Variants in DNAH14 observed in about 807,000 individuals in gnomAD.
DNAH14 encodes axonemal beta dynein heavy chain 14.
A neutral mutation model predicts 520.9 loss-of-function variants in DNAH14; 478 were observed. The ratio of observed to expected loss-of-function variants is 0.92; its 90% CI spans 0.85 to 0.99. The LOEUF (loss-of-function observed/expected upper bound fraction) is 0.99. Ranked by LOEUF, DNAH14 falls within the 50% of genes least tolerant of loss-of-function variation. The pLI is 0.00. For synonymous variants in DNAH14, 1,581 were observed against 1,757.2 expected, an observed-to-expected ratio of 0.90 and a Z score of 2.51; for missense variants, 4,831 against 5,234.5, an observed-to-expected ratio of 0.92 and a Z score of 2.38.
chr1:225,346,654 A>G lies in DNAH14; in HGVS notation c.11296A>G (p.Ser3766Gly). 6.5e-7 allele frequency: 1 copy of G among 1,532,488 alleles called. No individual in the cohort carries two copies. Among genetic ancestry groups the G allele is most frequent in the Non-Finnish European group, 8.8e-7 (1 of 1,137,204 alleles). The allele number at this position is 1,532,488 out of a possible 1,614,324, so 94.9% of individuals were successfully genotyped here. A position where few individuals can be genotyped will look rare whatever the true frequency, so the allele number is the denominator to read the frequency against. ...TGCATTATCCCAGTCTAGACTTACT[A>G]GTAAGTAAAAGTTACTATTCCGGAT... ...KSALSQSRLT[S>G]TFEIGESQHL... is the part of the protein sequence containing the mutation. The change falls in exon 71 of 86, where the codon AGC becomes GGC. Residue 3766 changes from serine (S) to glycine (G), a missense_variant and splice_region_variant. By Grantham distance (56) the Ser-to-Gly change is moderately conservative (BLOSUM62 0). Transcript: ENST00000682510.
intron 1 of DNAH14, among the ~76,000 whole-genome samples, chr1:224,943,409 C>T (rs58823550): frequency 0.077 from 11,666 of 151,874 alleles, 1,437 homozygotes; most frequent in African/African-American, 0.26. Flanking sequence ...GTCTTGCTAG[C>T]GGTCTATCAA....
At chr1:225,356,849 A>G (rs1318752041) in intron 73 of DNAH14, among the ~76,000 whole-genome samples, 2 of 152,294 alleles carry the variant, frequency 1.3e-5, no homozygotes, top group Admixed American at 6.5e-5. Flanking sequence ...CCCATGCCAC[A>G]TTACCTTCCC....
intron 8 of DNAH14, among the ~76,000 whole-genome samples, chr1:224,995,337 T>G (rs556165618): frequency 1.3e-5 from 2 of 152,150 alleles, no homozygotes; most frequent in Non-Finnish European, 2.9e-5. Flanking sequence ...AGGGGTTGTT[T>G]TTTTTTCCCC....
At chr1:225,197,660 T>C (rs2086330613) in intron 38 of DNAH14, among the ~76,000 whole-genome samples, 1 of 152,214 alleles carries the variant, frequency 6.6e-6, no homozygotes, top group South Asian at 2.1e-4. Flanking sequence ...CAATATTGAT[T>C]CTACCCATCC....
chr1:225,163,579 A>T (rs940121622), intron 35 of DNAH14, among the ~76,000 whole-genome samples: 1 of 152,214 alleles, frequency 6.6e-6, no homozygotes, highest in African/African-American at 2.4e-5. Context: ...GATGAATTTT[A>T]TCAAGTGCAT....
rs1265040245 is a variant in DNAH14, at chr1:225,161,331, G to A, written c.5445+1846G>A. ...CATAATGACCGGTTCCATCTATGTT[G>A]TTGCAAATGACAGGATCTCATTGTT... On this transcript the variant is annotated intron_variant, in intron 35 of 85. Coordinates refer to ENST00000682510, the MANE Select transcript of DNAH14 (RefSeq NM_001367479.1). Among the ~76,000 whole-genome samples the A allele has an allele frequency of 3.9e-5, 6 of 152,262 alleles. No homozygotes were observed. In the East Asian group the frequency reaches 1.2e-3, roughly 29 times the overall value.
intron 5 of DNAH14, 54 bp from the exon 6 acceptor site, chr1:224,967,377 A>G: frequency 7.6e-7 from 1 of 1,309,410 alleles, no homozygotes; most frequent in South Asian, 1.7e-5. Flanking sequence ...GTATTAATTT[A>G]GTTAATTTAG....
rs528476887 is a variant in DNAH14 at position 225,258,043 on chromosome 1, G to A, written c.6949G>A (p.Ala2317Thr). ...ATGTGGAGAATGCATTAATTATACC[G>A]CTACCAGAGACACAACATGCCTTTC... ...TECGECINYT[A>T]TRDTTCLSFL... Residue 2317 changes from alanine (A) to threonine (T), a missense_variant, in exon 45 of 86, where the codon GCT becomes ACT. Coordinates refer to ENST00000682510, the MANE Select transcript of DNAH14 (RefSeq NM_001367479.1). 72 of 1,549,968 alleles carry A rather than the reference G, an allele frequency of 4.6e-5. No homozygotes were observed. Among genetic ancestry groups the A allele is most frequent in the African/African-American group, 6.9e-5 (5 of 72,834 alleles).
In DNAH14 at chr1:225,398,567, C is replaced by T. The variant is rs1401546420; in HGVS notation, c.13539C>T (p.Ile4513=). Residue 4513 remains isoleucine (I), a synonymous_variant, in exon 85 of 86, where the codon ATC becomes ATT. Transcript: ENST00000682510. ...HTGVYIFGLF[I]EGARWNREQK... Reference sequence around the variant, plus strand: ...GAGTTTACATTTTTGGTTTATTCATCGAGGGGGCAAGATGGAATCGTGAAC... The same window carrying T: ...GAGTTTACATTTTTGGTTTATTCATTGAGGGGGCAAGATGGAATCGTGAAC... 3.9e-6 allele frequency: 6 copies of T among 1,551,518 alleles called. No homozygotes were observed. The African/African-American group carries it at 6.8e-5, about 18-fold the overall frequency.
At chr1:225,173,299 A>G (rs2082919891) in intron 36 of DNAH14, among the ~76,000 whole-genome samples, 1 of 152,218 alleles carries the variant, frequency 6.6e-6, no homozygotes, top group South Asian at 2.1e-4. Flanking sequence ...CAGCAAAAGA[A>G]ACTACCATCA....
intron 52 of DNAH14, among the ~76,000 whole-genome samples, chr1:225,275,002 A>T (rs2093431527): frequency 6.6e-6 from 1 of 152,228 alleles, no homozygotes; most frequent in Admixed American, 6.5e-5. Context: ...ACCCTATGAT[A>T]TAGGTCCTGT....
intron 17 of DNAH14, among the ~76,000 whole-genome samples, chr1:225,075,230 G>T (rs569560560): frequency 1.3e-5 from 2 of 152,254 alleles, no homozygotes; most frequent in Admixed American, 6.5e-5. Flanking sequence ...TTCCCTGGGT[G>T]GGGGAGGTTC....
chr1:225,067,275 T>G (rs1284675547), intron 17 of DNAH14, among the ~76,000 whole-genome samples: 1 of 152,188 alleles, frequency 6.6e-6, no homozygotes, highest in Non-Finnish European at 1.5e-5. Flanking sequence ...GCTTCATCCA[T>G]GTCCCTGCAC....
chr1:225,210,174 C>T (rs2088178609), intron 41 of DNAH14, among the ~76,000 whole-genome samples: 1 of 151,996 alleles, frequency 6.6e-6, no homozygotes, highest in African/African-American at 2.4e-5. Flanking sequence ...ATTCACTGCC[C>T]TGGAAAGGAG....
intron 50 of DNAH14, 98 bp downstream of exon 50, chr1:225,270,964 T>G: frequency 2.4e-6 from 3 of 1,239,738 alleles, no homozygotes; most frequent in Non-Finnish European, 2.2e-6. Context: ...AGAAAATTAC[T>G]TTAAGGGGAT....
chr1:225,028,657 A>G lies in DNAH14; in HGVS notation c.1358+4792A>G, dbSNP rs939837536. Among the ~76,000 whole-genome samples, 4 of 152,216 alleles carry G rather than the reference A, an allele frequency of 2.6e-5. No homozygotes were observed. The East Asian group carries it at 5.8e-4, about 22-fold the overall frequency. On this transcript the variant is annotated intron_variant, in intron 11 of 85. Transcript: ENST00000682510. ...AAATGGGTGAAAGATCTAAGCAGAC[A>G]TTTCATCAAAGAAGAAACAGATTGC...
chr1:225,146,343 T>C (rs1285642947), intron 30 of DNAH14, among the ~76,000 whole-genome samples: 1 of 152,206 alleles, frequency 6.6e-6, no homozygotes, highest in Non-Finnish European at 1.5e-5. Context: ...TCATTCCGAT[T>C]CCCACTTCCT....
intron 55 of DNAH14, among the ~76,000 whole-genome samples, chr1:225,291,224 T>G (rs1232842642): frequency 6.6e-6 from 1 of 152,196 alleles, no homozygotes; most frequent in African/African-American, 2.4e-5. Flanking sequence ...TTGTATTTTA[T>G]GAAGTATATA....
intron 83 of DNAH14, among the ~76,000 whole-genome samples, chr1:225,391,975 C>T (rs2095920515): frequency 1.3e-5 from 2 of 152,212 alleles, no homozygotes; most frequent in East Asian, 1.9e-4. Flanking sequence ...GCATGATCAT[C>T]GGCCAAGATT....
Sources: gnomAD v4.1 joint callset for allele counts (sites outside exome capture counted in the v4.1 genomes callset) on GRCh38, gnomAD v4.1.1 for gene constraint, MANE v1.5 for transcripts, NCBI Gene and HGNC (gene_info 2026-07-23, HGNC 2026-07-21) for gene names.